Variants in FKRP observed in about 807,000 individuals in gnomAD.
FKRP encodes fukutin related protein.
Under a neutral mutation model 30.6 loss-of-function variants are expected in FKRP, and 25 were observed. The observed-to-expected ratio is 0.82, with a 90% CI of 0.60 to 1.14. The LOEUF (loss-of-function observed/expected upper bound fraction) is 1.14, where lower values mean the gene tolerates loss of function less well. Among genes scored for constraint, FKRP ranks in the 50% most tolerant of loss-of-function variants. The pLI is 0.00. For synonymous variants in FKRP, 358 were observed against 342.5 expected (o/e 1.05, Z -0.50); for missense variants, 771 against 727.8 (o/e 1.06, Z -0.68).
At chr19:46,745,678 C>T (rs2054574788), upstream of FKRP, 1 of 152,914 alleles carries the variant, frequency 6.5e-6, no homozygotes, top group East Asian at 1.9e-4. Context: ...TCGGGAGTCC[C>T]TCGGCGCCCG....
In FKRP at chr19:46,756,051, C is replaced by T. The variant is rs1568418509; in HGVS notation, c.601C>T (p.Leu201Phe). 4 of 1,577,610 alleles carry T rather than the reference C, an allele frequency of 2.5e-6. No individual in the cohort carries two copies. Among genetic ancestry groups the T allele is most frequent in the Non-Finnish European group, 2.6e-6 (3 of 1,170,582 alleles). The stretch of plus-strand genomic sequence containing the variant: ...CGCCCTGGACGGAGATGCTGTGGTG[C>T]TCCTGCGCGCCCGCGACCTCTTCAA... ...CDALDGDAVV[L>F]LRARDLFNLS... Residue 201 changes from leucine (L) to phenylalanine (F), a missense_variant, in exon 4 of 4, where the codon CTC (leucine) becomes TTC (phenylalanine). Leu to Phe is a conservative substitution (Grantham distance 22). Transcript: ENST00000318584. This position sits in a 1 kb window ranked among gnomAD's most constrained non-coding sequence, Gnocchi z 6.6.
Position 46,756,195 on chromosome 19 carries a change from G to C in FKRP, c.745G>C (p.Ala249Pro). 7.0e-7 allele frequency: 1 copy of C among 1,437,750 alleles called. No homozygotes were observed. The allele number at this position is 1,437,750 out of a possible 1,614,324, so 89.1% of individuals were successfully genotyped here. A position where few individuals can be genotyped will look rare whatever the true frequency, so the allele number is the denominator to read the frequency against. Residue 249 changes from alanine (A) to proline (P), a missense_variant, in exon 4 of 4, where the codon GCC (alanine) becomes CCC (proline). Physicochemically the swap from Ala to Pro is conservative, Grantham distance 27. Transcript: ENST00000318584. The surrounding 1 kb of genome is among the most constrained non-coding windows in gnomAD (Gnocchi z 6.6). The part of the protein sequence containing the change: ...TFAAARQPPL[A>P]TAHARWKAER... ...CGCCGCGGCGCGCCAGCCCCCGCTG[G>C]CCACGGCCCACGCGCGCTGGAAGGC... is the stretch of plus-strand genomic sequence containing the variant.
chr19:46,754,913 T>C (rs1183731474), intron 3 of FKRP, among the ~76,000 whole-genome samples: 1 of 152,124 alleles, frequency 6.6e-6, no homozygotes, highest in East Asian at 1.9e-4. Context: ...GCCTAACCTT[T>C]TTTTTTCATT....
At chr19:46,750,604 C>T (rs953493322) in intron 3 of FKRP, among the ~76,000 whole-genome samples, 3 of 152,182 alleles carry the variant, frequency 2.0e-5, no homozygotes, top group African/African-American at 7.2e-5. Context: ...CAGCTCACTG[C>T]AGCCTCCACC....
At chr19:46,755,279 G>C in intron 3 of FKRP, 133 bp from the exon 4 acceptor site, 2 of 653,490 alleles carry the variant, frequency 3.1e-6, no homozygotes, top group Non-Finnish European at 5.0e-6. Context: ...AGAAGGGGAA[G>C]TCAAAGCTGA....
rs773024545 is a variant in FKRP, at chr19:46,755,619, G to A, written c.169G>A (p.Glu57Lys). The A allele has an allele frequency of 1.2e-6, 2 of 1,604,068 alleles. No homozygotes were observed. Among genetic ancestry groups the A allele is most frequent in the Admixed American group, 1.7e-5 (1 of 59,440 alleles). Residue 57 changes from glutamate to lysine, a missense_variant, in exon 4 of 4, where the codon GAG becomes AAG. Physicochemically the swap from Glu to Lys is moderately conservative, Grantham distance 56 (BLOSUM62 1). Coordinates refer to ENST00000318584, the MANE Select transcript of FKRP (RefSeq NM_024301.5). ...PRVTVLVREF[E>K]AFDNAVPELV... ...TGTCACCGTCCTGGTGCGGGAGTTC[G>A]AGGCATTTGACAACGCGGTGCCCGA...
intron 3 of FKRP, among the ~76,000 whole-genome samples, chr19:46,749,710 C>T (rs1444083955): frequency 1.4e-5 from 2 of 142,540 alleles, no homozygotes; most frequent in African/African-American, 5.3e-5. Flanking sequence ...GGTGACAAAG[C>T]GAGACTCCGT....
rs2054914930 is a variant in FKRP at position 46,756,161 on chromosome 19, C to G, written c.711C>G (p.Asp237Glu). The part of the protein sequence containing the change: ...ALRGWAVQLL[D>E]LTFAAARQPP... Reference sequence around the variant, plus strand: ...GCGGCTGGGCGGTGCAGCTGCTGGACTTGACCTTCGCCGCGGCGCGCCAGC... The same window carrying G: ...GCGGCTGGGCGGTGCAGCTGCTGGAGTTGACCTTCGCCGCGGCGCGCCAGC... Residue 237 changes from aspartate (D) to glutamate (E), a missense_variant, in exon 4 of 4, where the codon GAC becomes GAG. Transcript: ENST00000318584. The surrounding 1 kb of genome is among the most constrained non-coding windows in gnomAD (Gnocchi z 6.6). The G allele has an allele frequency of 1.4e-6, 2 of 1,460,896 alleles. No homozygotes were observed. The highest frequency in any genetic ancestry group is 1.8e-6 in the Non-Finnish European group (2 of 1,113,838). The allele number at this position is 1,460,896 out of a possible 1,614,324, so 90.5% of individuals were successfully genotyped here. A position where few individuals can be genotyped will look rare whatever the true frequency, so the allele number is the denominator to read the frequency against.
chr19:46,755,390 C>T (rs2054886066), intron 3 of FKRP, 22 bp from the exon 4 acceptor site: 1 of 1,476,394 alleles, frequency 6.8e-7, no homozygotes, highest in Admixed American at 2.0e-5. Context: ...CTGCTGCCTT[C>T]CCTTTCGTCC....
chr19:46,756,281 G>T lies in FKRP; in HGVS notation c.831G>T (p.Val277=). Residue 277 remains valine, a synonymous_variant, in exon 4 of 4, where the codon GTG becomes GTT. Transcript: ENST00000318584. The surrounding 1 kb of genome is among the most constrained non-coding windows in gnomAD (Gnocchi z 6.6). ...ALLRALGIRL[V]SWEGGRLEWF... ...TCCGCGCGCTGGGCATCCGCCTAGT[G>T]AGCTGGGAAGGCGGGCGGCTGGAGT... is the stretch of plus-strand genomic sequence containing the variant. 6.6e-7 allele frequency: 1 copy of T among 1,522,622 alleles called. No homozygotes were observed. The highest frequency in any genetic ancestry group is 8.8e-7 in the Non-Finnish European group (1 of 1,138,834). 94.3% of individuals were successfully genotyped at this position (1,522,622 alleles called of 1,614,324 possible).
At chr19:46,748,330 A>G (rs2054712489) in intron 2 of FKRP, among the ~76,000 whole-genome samples, 185 bp from the exon 3 acceptor site, 1 of 152,050 alleles carries the variant, frequency 6.6e-6, no homozygotes, top group Admixed American at 6.6e-5. Context: ...GGCACCTGCC[A>G]CCACGCCCGG....
upstream of FKRP, among the ~76,000 whole-genome samples, chr19:46,745,474 C>T (rs2054566004): frequency 6.6e-6 from 1 of 152,072 alleles, no homozygotes; most frequent in Non-Finnish European, 1.5e-5. Context: ...CCCCTCGGGT[C>T]CTTACACAGC....
chr19:46,751,722 C>T lies in FKRP; in HGVS notation c.-40+3057C>T, dbSNP rs541939522. On this transcript the variant is annotated intron_variant, in intron 3 of 3. Coordinates refer to ENST00000318584, the MANE Select transcript of FKRP (RefSeq NM_024301.5). ...CTGGGACTACAGGCGCCCGCCACCG[C>T]GCCTGGCTAATTTTTTGTATTTTTA... is the stretch of plus-strand genomic sequence containing the variant. Among the ~76,000 whole-genome samples, 28 of 152,128 alleles carry T rather than the reference C, an allele frequency of 1.8e-4. No homozygotes were observed. In the East Asian group the frequency reaches 3.9e-3, roughly 21 times the overall value.
Position 46,756,885 on chromosome 19 carries a change from G to T in FKRP, c.1435G>T (p.Glu479Ter). The change falls in exon 4 of 4, where the codon GAG (glutamate) becomes TAG (stop). Residue 479 changes from glutamate (E) to a stop codon, truncating the protein, a stop_gained. Transcript: ENST00000318584. LOFTEE classifies it high-confidence loss of function. This position sits in a 1 kb window ranked among gnomAD's most constrained non-coding sequence, Gnocchi z 6.6. ...LELKFGPGVI[E>*]NPQYPNPALL... ...GCTCAAGTTCGGGCCCGGGGTCATC[G>T]AGAACCCCCAGTACCCCAACCCGGC... 1 of 1,612,672 alleles carries T rather than the reference G, an allele frequency of 6.2e-7. No homozygotes were observed. Among genetic ancestry groups the T allele is most frequent in the South Asian group, 1.1e-5 (1 of 90,934 alleles).
chr19:46,747,485 C>A (rs1246928267), intron 1 of FKRP: 1 of 151,680 alleles, frequency 6.6e-6, no homozygotes, highest in Non-Finnish European at 1.5e-5. Flanking sequence ...CCTCCGCCTC[C>A]CCGGTTCAAG....
chr19:46,754,602 A>G (rs2054867463), intron 3 of FKRP, among the ~76,000 whole-genome samples: 1 of 142,548 alleles, frequency 7.0e-6, no homozygotes, highest in Non-Finnish European at 1.5e-5. Flanking sequence ...TGGTTTGTTT[A>G]TTTATTTATT....
Position 46,757,205 on chromosome 19 carries a change from C to G in FKRP, c.*267C>G. ...TGGGGACATCCTGGGTCATCTCAGTCATGGAGGGAGACGGGGATGTCACGC... is the reference window on the plus strand; with the variant it reads ...TGGGGACATCCTGGGTCATCTCAGTGATGGAGGGAGACGGGGATGTCACGC... On this transcript the variant is annotated 3_prime_UTR_variant, in exon 4 of 4. Transcript: ENST00000318584. 3.4e-6 allele frequency: 2 copies of G among 582,284 alleles called. No individual in the cohort carries two copies. The highest frequency in any genetic ancestry group is 6.3e-6 in the Non-Finnish European group (2 of 315,864). The allele number at this position is 582,284 out of a possible 1,614,324, so 36.1% of individuals were successfully genotyped here. A position where few individuals can be genotyped will look rare whatever the true frequency, so the allele number is the denominator to read the frequency against.
At chr19:46,747,212 C>A (rs953079806) in intron 1 of FKRP, 1 of 152,532 alleles carries the variant, frequency 6.6e-6, no homozygotes, top group Non-Finnish European at 1.5e-5. Flanking sequence ...ATGCACCAAA[C>A]TAACCAGGTG....
chr19:46,751,087 A>C lies in FKRP; in HGVS notation c.-40+2422A>C, dbSNP rs1391221388. 6.2e-5 allele frequency among the ~76,000 whole-genome samples: 9 copies of C among 146,122 alleles called. No individual in the cohort carries two copies. The East Asian group carries it at 1.9e-3, about 30-fold the overall frequency. On this transcript the variant is annotated intron_variant, in intron 3 of 3. Transcript: ENST00000318584. The stretch of plus-strand genomic sequence containing the variant: ...TTTTTTTTTTTTTTAAAGACAGACA[A>C]GGTCTCGCTCTATTGCCCAGGCTGG...
Sources: gnomAD v4.1 joint callset for allele counts (sites outside exome capture counted in the v4.1 genomes callset) on GRCh38, gnomAD v4.1.1 for gene constraint, Gnocchi (gnomAD v3.1) non-coding constraint, MANE v1.5 for transcripts, NCBI Gene and HGNC (gene_info 2026-07-23, HGNC 2026-07-21) for gene names.